Variants in PPARGC1A observed in about 807,000 individuals in gnomAD.
The protein encoded by PPARGC1A is PPARG coactivator 1 alpha.
Under a neutral mutation model 88.7 loss-of-function variants are expected in PPARGC1A, and 25 were observed. The observed-to-expected ratio is 0.28, with a 90% CI of 0.21 to 0.39. The LOEUF is 0.39. Among genes scored for constraint, PPARGC1A ranks in the 10% least tolerant of loss-of-function variants. The pLI is 1.00. For synonymous variants in PPARGC1A, 363 were observed against 355.6 expected, an observed-to-expected ratio of 1.02 and a Z score of -0.24; for missense variants, 880 against 968.7, an observed-to-expected ratio of 0.91 and a Z score of 1.22.
the PPARGC1A span, among the ~76,000 whole-genome samples, chr4:24,023,435 G>A: frequency 2.0e-5 from 3 of 152,192 alleles, no homozygotes; most frequent in Non-Finnish European, 4.4e-5. Flanking sequence ...AGTAGAGAAA[G>A]ACAGAGACCA....
At chr4:23,900,355 T>A (rs934451259), upstream of PPARGC1A, among the ~76,000 whole-genome samples, 1 of 152,170 alleles carries the variant, frequency 6.6e-6, no homozygotes, top group Non-Finnish European at 1.5e-5. Flanking sequence ...GACTTTGGGG[T>A]CAGACAATGT....
chr4:24,028,777 T>C, the PPARGC1A span, among the ~76,000 whole-genome samples: 5 of 152,328 alleles, frequency 3.3e-5, no homozygotes, highest in Middle Eastern at 3.4e-3. Context: ...CAAGCTGGTC[T>C]GTATCCTGTA....
the PPARGC1A span, among the ~76,000 whole-genome samples, chr4:24,225,653 G>A: frequency 1.3e-5 from 2 of 152,106 alleles, no homozygotes; most frequent in Non-Finnish European, 2.9e-5. Context: ...TATGGTATGT[G>A]CTAGAAAGAG....
At chr4:23,958,448 A>AT in the PPARGC1A span, among the ~76,000 whole-genome samples, 1 of 152,116 alleles carries the variant, frequency 6.6e-6, no homozygotes, top group African/African-American at 2.4e-5. Flanking sequence ...GGTCCTAAAC[A>AT]ATTTCCAAGT....
chr4:24,045,908 A>G, the PPARGC1A span, among the ~76,000 whole-genome samples: 1 of 152,138 alleles, frequency 6.6e-6, no homozygotes, highest in Non-Finnish European at 1.5e-5. Context: ...AAGACCCCAA[A>G]TACTTAGCAA....
the PPARGC1A span, among the ~76,000 whole-genome samples, chr4:24,236,207 A>G: frequency 2.0e-5 from 3 of 152,176 alleles, no homozygotes; most frequent in South Asian, 6.2e-4. Context: ...GGGTCGTATC[A>G]TGAGCAGACA....
At chr4:24,333,169 A>C in the PPARGC1A span, among the ~76,000 whole-genome samples, 1 of 152,138 alleles carries the variant, frequency 6.6e-6, no homozygotes, top group African/African-American at 2.4e-5. Context: ...ACTTGAACCC[A>C]GGAGGTGGTG....
chr4:23,958,334 T>C, the PPARGC1A span, among the ~76,000 whole-genome samples: 2 of 152,072 alleles, frequency 1.3e-5, no homozygotes, highest in Non-Finnish European at 2.9e-5. Flanking sequence ...TTCAGAAAAC[T>C]CCAGGAAGAC....
chr4:24,283,453 CA>C, the PPARGC1A span, among the ~76,000 whole-genome samples: 1 of 152,176 alleles, frequency 6.6e-6, no homozygotes, highest in African/African-American at 2.4e-5. Context: ...AAAGAGGGAA[CA>C]AACGAAGGAA....
chr4:23,922,273 CAGA>C, the PPARGC1A span, among the ~76,000 whole-genome samples: 1 of 152,182 alleles, frequency 6.6e-6, no homozygotes, highest in South Asian at 2.1e-4. Context: ...TGGTATCCAA[CAGA>C]AGACCAGGAG....
the PPARGC1A span, among the ~76,000 whole-genome samples, chr4:24,264,936 A>C: frequency 5.7e-3 from 868 of 152,354 alleles, 56 homozygotes; most frequent in East Asian, 0.14. Context: ...GTGAGGTAGC[A>C]CAGTTCTCTT....
chr4:24,175,677 T>A, the PPARGC1A span, among the ~76,000 whole-genome samples: 1 of 151,454 alleles, frequency 6.6e-6, no homozygotes, highest in Non-Finnish European at 1.5e-5. Flanking sequence ...CGTGAGCCAC[T>A]GCGCCCAGTC....
the PPARGC1A span, among the ~76,000 whole-genome samples, chr4:24,117,413 T>C: frequency 6.6e-6 from 1 of 152,126 alleles, no homozygotes; most frequent in South Asian, 2.1e-4. Context: ...TGTTTTTGTA[T>C]TAACATGGCC....
At chr4:24,452,842 T>C in the PPARGC1A span, among the ~76,000 whole-genome samples, 1 of 152,188 alleles carries the variant, frequency 6.6e-6, no homozygotes, top group Non-Finnish European at 1.5e-5. Flanking sequence ...TTCAACTCTA[T>C]TACTATAATA....
At chr4:24,004,193 G>A in the PPARGC1A span, among the ~76,000 whole-genome samples, 5 of 152,234 alleles carry the variant, frequency 3.3e-5, no homozygotes, top group East Asian at 7.7e-4. Context: ...TCGAACACAG[G>A]CAAGTCTCTG....
intron 2 of PPARGC1A, among the ~76,000 whole-genome samples, chr4:23,852,631 T>A (rs1271272390): frequency 2.0e-5 from 3 of 152,108 alleles, no homozygotes; most frequent in Admixed American, 2.0e-4. Flanking sequence ...TTTTCTCCGT[T>A]TTTTTTTCTT....
the PPARGC1A span, among the ~76,000 whole-genome samples, chr4:24,188,886 C>A: frequency 6.6e-6 from 1 of 152,186 alleles, no homozygotes; most frequent in African/African-American, 2.4e-5. Flanking sequence ...AAAAGGTGAA[C>A]ACAAACCAAG....
the PPARGC1A span, among the ~76,000 whole-genome samples, chr4:24,375,013 T>TAAAA: frequency 0.16 from 20,784 of 126,838 alleles, 1,633 homozygotes; most frequent in South Asian, 0.23. Context: ...CCCCCCACCC[T>TAAAA]AAAAAAAAAA....
chr4:24,187,347 C>T, the PPARGC1A span, among the ~76,000 whole-genome samples: 4 of 151,644 alleles, frequency 2.6e-5, no homozygotes, highest in Non-Finnish European at 5.9e-5. Context: ...CACTGAGGTG[C>T]TGAGGAATTT....
Sources: allele counts gnomAD v4.1 joint callset (sites outside exome capture counted in the v4.1 genomes callset), GRCh38; gene constraint gnomAD v4.1.1; transcripts MANE v1.5; gene names NCBI Gene and HGNC (gene_info 2026-07-23, HGNC 2026-07-21).